The following DKK4 variants were observed in gnomAD, a reference collection of about 807,000 sequenced individuals.
The protein encoded by DKK4 is dickkopf-related protein 4.
A neutral mutation model predicts 14.5 loss-of-function variants in DKK4; 15 were observed. The ratio of observed to expected loss-of-function variants is 1.03; its 90% CI spans 0.69 to 1.59. The LOEUF (loss-of-function observed/expected upper bound fraction) is 1.59. DKK4 is among the 40% of genes most tolerant of loss of function. The pLI, the probability that DKK4 is intolerant of heterozygous loss-of-function variation, is 0.00. For missense variants in DKK4, 272 were observed against 280.3 expected, an observed-to-expected ratio of 0.97 and a Z score of 0.21; for synonymous variants, 89 against 105.2, an observed-to-expected ratio of 0.85 and a Z score of 0.94.
chr8:42,379,192 A>C (rs578018820), upstream of DKK4, among the ~76,000 whole-genome samples: 1 of 149,092 alleles, frequency 6.7e-6, no homozygotes, highest in Non-Finnish European at 1.5e-5. Context: ...CCGAGGTTGC[A>C]GTGAGCCAAC....
the DKK4 span, among the ~76,000 whole-genome samples, chr8:42,387,579 C>G: frequency 6.6e-5 from 10 of 151,994 alleles, no homozygotes; most frequent in African/African-American, 1.9e-4. Flanking sequence ...AAGCTGGTCT[C>G]AAACTCCTGA....
At chr8:42,378,877 T>A (rs61343599), upstream of DKK4, among the ~76,000 whole-genome samples, 33,565 of 133,718 alleles carry the variant, frequency 0.25, 7,518 homozygotes, top group African/African-American at 0.61. Context: ...GAGGCCAAGG[T>A]GGGAAGATCT....
At chr8:42,388,184 C>T in the DKK4 span, among the ~76,000 whole-genome samples, 33 of 152,124 alleles carry the variant, frequency 2.2e-4, no homozygotes, top group Non-Finnish European at 3.7e-4. Context: ...TATGAATAAA[C>T]GTGAGTTTTG....
upstream of DKK4, among the ~76,000 whole-genome samples, chr8:42,380,617 AAGAG>A (rs754026954): frequency 1.4e-4 from 20 of 146,582 alleles, no homozygotes; most frequent in African/African-American, 4.8e-4. Context: ...GAGAAAGAAA[AAGAG>A]AAAGAAAGAA....
intron 2 of DKK4, 39 bp downstream of exon 2, chr8:42,375,641 C>A: frequency 1.9e-6 from 3 of 1,610,872 alleles, no homozygotes; most frequent in Non-Finnish European, 2.5e-6. Flanking sequence ...TAGACACTAC[C>A]TTCGGTTTAA....
At chr8:42,381,170 G>C (rs11996105), upstream of DKK4, among the ~76,000 whole-genome samples, 2 of 151,446 alleles carry the variant, frequency 1.3e-5, no homozygotes, top group South Asian at 4.2e-4. Flanking sequence ...TCTGAAGTTC[G>C]AGCTGCATCA....
At chr8:42,382,154 A>G (rs1255720798), upstream of DKK4, among the ~76,000 whole-genome samples, 1 of 152,170 alleles carries the variant, frequency 6.6e-6, no homozygotes, top group Non-Finnish European at 1.5e-5. Context: ...ACCTCCCTTA[A>G]TCTGAGGCCT....
the DKK4 span, among the ~76,000 whole-genome samples, chr8:42,390,284 TTTTG>T: frequency 1.3e-5 from 2 of 149,952 alleles, no homozygotes; most frequent in African/African-American, 2.4e-5. Context: ...CAGTAGCTGG[TTTTG>T]TTTGTTTGGT....
chr8:42,377,293 C>T, upstream of DKK4: 1 of 479,578 alleles, frequency 2.1e-6, no homozygotes, highest in Non-Finnish European at 3.7e-6. Flanking sequence ...TCCGTTCCTT[C>T]CTCCTGCCCC....
chr8:42,375,406 G>A (rs1200755968), intron 2 of DKK4, among the ~76,000 whole-genome samples: 1 of 151,964 alleles, frequency 6.6e-6, no homozygotes, highest in East Asian at 1.9e-4. Flanking sequence ...GCCGGGCATG[G>A]TGGTACATGC....
chr8:42,388,162 T>C, the DKK4 span, among the ~76,000 whole-genome samples: 6 of 152,236 alleles, frequency 3.9e-5, no homozygotes, highest in Admixed American at 6.5e-5. Flanking sequence ...GTGGCTCTAA[T>C]ATTCATATGT....
rs1247967858 is a variant in DKK4 at position 42,374,911 on chromosome 8, C to T, written c.265G>A (p.Val89Ile). ...GTTGCATCTTCCATCGTAGTACAAA[C>T]ATCTGAGGGACAACCAGGTGTAACT... ...CCPGTLCVND[V>I]CTTMEDATPI... Residue 89 changes from valine to isoleucine, a missense_variant and splice_region_variant, in exon 3 of 4, where the codon GTT (valine) becomes ATT (isoleucine). Val to Ile is a conservative substitution (Grantham distance 29). Transcript: ENST00000220812. The T allele has an allele frequency of 2.5e-6, 4 of 1,614,146 alleles. No homozygotes were observed. The highest frequency in any genetic ancestry group is 2.5e-6 in the Non-Finnish European group (3 of 1,180,032).
chr8:42,385,322 G>A, the DKK4 span, among the ~76,000 whole-genome samples: 3 of 152,080 alleles, frequency 2.0e-5, no homozygotes, highest in African/African-American at 7.2e-5. Flanking sequence ...AGCCTAGGAG[G>A]TTGAGGCTGC....
At chr8:42,388,560 TTTAATTAA>T in the DKK4 span, among the ~76,000 whole-genome samples, 2 of 151,620 alleles carry the variant, frequency 1.3e-5, no homozygotes. Flanking sequence ...TCTTCTTTTA[TTTAATTAA>T]TTAATTAATT....
chr8:42,385,961 T>C, the DKK4 span, among the ~76,000 whole-genome samples: 1 of 152,258 alleles, frequency 6.6e-6, no homozygotes, highest in Non-Finnish European at 1.5e-5. Context: ...TTATTTAATA[T>C]GCAATATAAT....
intron 2 of DKK4, 52 bp downstream of exon 2, chr8:42,375,628 G>T (rs1824542152): frequency 3.7e-6 from 6 of 1,604,952 alleles, no homozygotes; most frequent in Non-Finnish European, 5.1e-6. Context: ...AGTCTATGGG[G>T]CTTAGACACT....
At chr8:42,382,749 C>T in the DKK4 span, among the ~76,000 whole-genome samples, 767 of 152,294 alleles carry the variant, frequency 5.0e-3, 11 homozygotes, top group African/African-American at 0.016. Flanking sequence ...TTGCAGTGAG[C>T]GCCTAGCTCA....
At chr8:42,388,927 T>C in the DKK4 span, among the ~76,000 whole-genome samples, 1 of 152,244 alleles carries the variant, frequency 6.6e-6, no homozygotes, top group Non-Finnish European at 1.5e-5. Flanking sequence ...CCAGGTAAAT[T>C]ATGCACTATG....
At chr8:42,389,890 T>C in the DKK4 span, among the ~76,000 whole-genome samples, 1 of 148,958 alleles carries the variant, frequency 6.7e-6, no homozygotes, top group Non-Finnish European at 1.5e-5. Context: ...ACACTATCCT[T>C]AGAATTTTTT....
Sources: gnomAD v4.1 joint callset for allele counts (sites outside exome capture counted in the v4.1 genomes callset) on GRCh38, gnomAD v4.1.1 for gene constraint, MANE v1.5 for transcripts, NCBI Gene and HGNC (gene_info 2026-07-23, HGNC 2026-07-21) for gene names.